DLG2: variants seen among roughly 807,000 people sequenced by gnomAD.
DLG2 encodes discs large MAGUK scaffold protein 2.
A neutral mutation model predicts 132.5 loss-of-function variants in DLG2; 45 were observed. That is an observed-to-expected ratio of 0.34 (90% CI 0.27 to 0.44). DLG2 has a LOEUF of 0.44. Ranked by LOEUF, DLG2 falls within the 20% of genes least tolerant of loss-of-function variation. DLG2 has a pLI of 1.00. For synonymous variants in DLG2, 424 were observed against 419.6 expected (o/e 1.01, Z -0.13); for missense variants, 1,045 against 1,196.9 (o/e 0.87, Z 1.87).
At chr11:84,630,218 T>C (rs1188245704) in intron 6 of DLG2, among the ~76,000 whole-genome samples, 32 of 152,160 alleles carry the variant, frequency 2.1e-4, no homozygotes, top group Admixed American at 2.1e-3. Flanking sequence ...GGTTTCCTAA[T>C]AGCCTCTAGG....
chr11:84,476,965 G>C (rs2099123365), intron 7 of DLG2, among the ~76,000 whole-genome samples: 1 of 152,036 alleles, frequency 6.6e-6, no homozygotes, highest in Non-Finnish European at 1.5e-5. Flanking sequence ...CTAAGATTTG[G>C]GGAAATACAC....
intron 6 of DLG2, among the ~76,000 whole-genome samples, chr11:84,955,907 C>A (rs187619050): frequency 9.5e-4 from 145 of 152,180 alleles, no homozygotes; most frequent in African/African-American, 3.3e-3. Context: ...ATTATTTGAC[C>A]TTTGTGGAAG....
chr11:83,676,665 G>A (rs2153585991), intron 18 of DLG2, among the ~76,000 whole-genome samples: 1 of 152,312 alleles, frequency 6.6e-6, no homozygotes, highest in African/African-American at 2.4e-5. Context: ...AAGCAAGGGT[G>A]CAAGGTTTAG....
intron 4 of DLG2, among the ~76,000 whole-genome samples, chr11:85,180,460 C>A (rs560240988): frequency 6.6e-6 from 1 of 151,622 alleles, no homozygotes; most frequent in East Asian, 1.9e-4. Flanking sequence ...ACAGAACCAA[C>A]GATGTTGTGT....
At chr11:83,615,187 G>C (rs1354330112) in intron 19 of DLG2, among the ~76,000 whole-genome samples, 1 of 152,150 alleles carries the variant, frequency 6.6e-6, no homozygotes, top group Non-Finnish European at 1.5e-5. Flanking sequence ...CTGCATCGAA[G>C]TCCTGACTGC....
chr11:84,341,196 T>C (rs1249615714), intron 7 of DLG2, among the ~76,000 whole-genome samples: 1 of 152,162 alleles, frequency 6.6e-6, no homozygotes, highest in Non-Finnish European at 1.5e-5. Context: ...CATAATAGTA[T>C]TCTTGAAGTG....
At chr11:83,719,963 C>T (rs922786324) in intron 18 of DLG2, among the ~76,000 whole-genome samples, 3 of 152,082 alleles carry the variant, frequency 2.0e-5, no homozygotes, top group Non-Finnish European at 4.4e-5. Context: ...ACATCCAGAA[C>T]TCTTGTATAC....
chr11:83,702,742 A>G (rs2083185325), intron 18 of DLG2, among the ~76,000 whole-genome samples: 2 of 152,176 alleles, frequency 1.3e-5, no homozygotes, highest in African/African-American at 4.8e-5. Flanking sequence ...ACCTAGCCTG[A>G]GCTTCATGGA....
chr11:83,776,110 A>AAAT lies in DLG2; in HGVS notation c.1825+10579_1825+10580insATT, dbSNP rs1555396603. 3.9e-3 allele frequency among the ~76,000 whole-genome samples: 580 copies of AAAT among 149,826 alleles called. 3 individuals carry two copies. Among genetic ancestry groups the AAAT allele is most frequent in the African/African-American group, 0.012 (505 of 40,674 alleles). ...CTGTCTCAAAAATAAATAAATAAAT[A>AAAT]AAATAAATAAATAAATAAAGATGAA... On this transcript the variant is annotated intron_variant, in intron 18 of 27. Transcript: ENST00000376104.
intron 4 of DLG2, among the ~76,000 whole-genome samples, chr11:85,168,069 C>G (rs773078654): frequency 6.6e-6 from 1 of 152,072 alleles, no homozygotes; most frequent in Non-Finnish European, 1.5e-5. Flanking sequence ...AAGAGAGTAT[C>G]AGTTATCAAG....
chr11:84,164,230 A>T (rs1020535606), intron 8 of DLG2, among the ~76,000 whole-genome samples: 2 of 152,220 alleles, frequency 1.3e-5, no homozygotes, highest in Non-Finnish European at 2.9e-5. Context: ...GATTTCCACA[A>T]ATGTGCACAG....
intron 19 of DLG2, among the ~76,000 whole-genome samples, chr11:83,577,877 A>C (rs1330928402): frequency 1.6e-5 from 2 of 124,662 alleles, no homozygotes; most frequent in Non-Finnish European, 3.2e-5. Flanking sequence ...AAATATATAT[A>C]ATATAAATAT....
intron 22 of DLG2, among the ~76,000 whole-genome samples, chr11:83,482,185 C>G (rs2093173482): frequency 6.6e-6 from 1 of 152,026 alleles, no homozygotes; most frequent in African/African-American, 2.4e-5. Context: ...CTTTTAAAAA[C>G]TCTCCAAATG....
At chr11:84,361,172 A>C (rs1306737742) in intron 7 of DLG2, among the ~76,000 whole-genome samples, 1 of 151,936 alleles carries the variant, frequency 6.6e-6, no homozygotes, top group Non-Finnish European at 1.5e-5. Flanking sequence ...AAATAAAAAC[A>C]CTATTTAAAG....
chr11:85,445,676 G>A (rs372857212), intron 3 of DLG2, among the ~76,000 whole-genome samples: 51 of 152,168 alleles, frequency 3.4e-4, no homozygotes, highest in Non-Finnish European at 6.0e-4. Context: ...GTGAAACTCC[G>A]TCTCAAAAAA....
intron 17 of DLG2, chr11:83,790,573 T>A (rs78771335): frequency 0.037 from 48,478 of 1,293,046 alleles, 1,065 homozygotes; most frequent in Non-Finnish European, 0.044. Context: ...CTTTCAGCCA[T>A]GTGGGCTTCT....
intron 6 of DLG2, among the ~76,000 whole-genome samples, chr11:84,864,784 C>A (rs532927884): frequency 2.0e-5 from 3 of 151,976 alleles, no homozygotes; most frequent in Admixed American, 6.6e-5. Context: ...CCGGGAAGGT[C>A]GGGAAAGCTT....
At chr11:84,254,227 A>C (rs1197705450) in intron 7 of DLG2, among the ~76,000 whole-genome samples, 1 of 152,120 alleles carries the variant, frequency 6.6e-6, no homozygotes, top group Non-Finnish European at 1.5e-5. Flanking sequence ...CTTTCATCCC[A>C]TCTTTGCTTT....
chr11:84,914,792 T>C (rs1447452371), intron 6 of DLG2, among the ~76,000 whole-genome samples: 1 of 152,228 alleles, frequency 6.6e-6, no homozygotes, highest in Non-Finnish European at 1.5e-5. Flanking sequence ...TAAACCTCCA[T>C]GGCCCAGTCC....
Sources: gnomAD v4.1 joint callset for allele counts (sites outside exome capture counted in the v4.1 genomes callset) on GRCh38, gnomAD v4.1.1 for gene constraint, MANE v1.5 for transcripts, NCBI Gene and HGNC (gene_info 2026-07-23, HGNC 2026-07-21) for gene names.